Variants in RPRD1A observed in about 807,000 individuals in gnomAD.
RPRD1A encodes the protein regulation of nuclear pre-mRNA domain-containing protein 1A.
A neutral mutation model predicts 37.8 loss-of-function variants in RPRD1A; 9 were observed. That is an observed-to-expected ratio of 0.24 (90% confidence interval 0.14 to 0.42). RPRD1A has a LOEUF of 0.42. Ranked by LOEUF, RPRD1A falls within the 10% of genes least tolerant of loss-of-function variation. RPRD1A has a pLI of 1.00. For missense variants in RPRD1A, 255 were observed against 371.0 expected (o/e 0.69, Z 2.57); for synonymous variants, 138 against 139.7 (o/e 0.99, Z 0.08).
At chr18:36,051,211 C>G (rs1263253848) in intron 1 of RPRD1A, among the ~76,000 whole-genome samples, 1 of 152,090 alleles carries the variant, frequency 6.6e-6, no homozygotes, top group African/African-American at 2.4e-5. Flanking sequence ...TTTATATCAT[C>G]AAGACGTGCG....
chr18:36,016,244 CAG>C (rs920427136), intron 6 of RPRD1A, among the ~76,000 whole-genome samples: 1 of 152,032 alleles, frequency 6.6e-6, no homozygotes, highest in Non-Finnish European at 1.5e-5. Context: ...TTTTTTGAGG[CAG>C]AGTTTCACTC....
chr18:36,017,467 A>T (rs759621740), intron 6 of RPRD1A, among the ~76,000 whole-genome samples: 5 of 151,302 alleles, frequency 3.3e-5, no homozygotes, highest in Non-Finnish European at 7.4e-5. Context: ...CAACACCACC[A>T]CTCCTTTCTT....
chr18:36,027,205 A>G lies in RPRD1A; in HGVS notation c.592T>C (p.Ser198Pro). 1 of 1,613,856 alleles carries G rather than the reference A, an allele frequency of 6.2e-7. No individual in the cohort carries two copies. Among genetic ancestry groups the G allele is most frequent in the South Asian group, 1.1e-5 (1 of 91,070 alleles). Residue 198 changes from serine to proline, a missense_variant, in exon 5 of 7, where the codon TCT becomes CCT. Ser to Pro is a moderately conservative substitution (Grantham distance 74). Transcript: ENST00000399022. ...ASLPVEVQEVSLLDKITDKES... is the reference protein window; with the variant it reads ...ASLPVEVQEVPLLDKITDKES... ...TTACCTGTTATTTTATCTAATAGAG[A>G]TACTTCTTGGACTTCAACAGGTAAA...
At chr18:36,050,954 G>A (rs1242690570) in intron 1 of RPRD1A, among the ~76,000 whole-genome samples, 1 of 149,924 alleles carries the variant, frequency 6.7e-6, no homozygotes, top group Middle Eastern at 3.2e-3. Flanking sequence ...TAAAAATACA[G>A]TTGACTTTTG....
chr18:36,054,917 T>C (rs953066239), intron 1 of RPRD1A, among the ~76,000 whole-genome samples: 2 of 152,206 alleles, frequency 1.3e-5, no homozygotes, highest in Non-Finnish European at 2.9e-5. Flanking sequence ...TCTTATTCAC[T>C]GAAGAATCAA....
At chr18:36,040,598 A>C (rs1354806072) in intron 1 of RPRD1A, among the ~76,000 whole-genome samples, 5 of 152,298 alleles carry the variant, frequency 3.3e-5, no homozygotes, top group African/African-American at 1.2e-4. Context: ...ACGTCATGAA[A>C]TCTAGAAGTA....
chr18:36,049,675 G>A (rs72884933), intron 1 of RPRD1A, among the ~76,000 whole-genome samples: 4,017 of 152,282 alleles, frequency 0.026, 87 homozygotes, highest in East Asian at 0.12. Context: ...TGATTCTGCT[G>A]TATGTATACA....
chr18:35,999,497 G>T (rs761504256), intron 6 of RPRD1A, among the ~76,000 whole-genome samples: 2 of 152,128 alleles, frequency 1.3e-5, no homozygotes, highest in Non-Finnish European at 2.9e-5. Context: ...TGGAATTCTT[G>T]TTCATTTTAG....
intron 6 of RPRD1A, among the ~76,000 whole-genome samples, chr18:35,995,235 G>A (rs1417416280): frequency 6.7e-6 from 1 of 148,468 alleles, no homozygotes; most frequent in Non-Finnish European, 1.5e-5. Flanking sequence ...AAGACTATCT[G>A]CTCTCCAATT....
intron 6 of RPRD1A, among the ~76,000 whole-genome samples, chr18:36,003,820 A>T (rs1263799995): frequency 6.6e-6 from 1 of 151,934 alleles, no homozygotes; most frequent in Non-Finnish European, 1.5e-5. Context: ...TTTTTTTAAG[A>T]AAAAGTCTCA....
chr18:35,995,260 CG>C (rs1323259142), intron 6 of RPRD1A, among the ~76,000 whole-genome samples: 4 of 130,404 alleles, frequency 3.1e-5, no homozygotes, highest in East Asian at 2.2e-4. Context: ...TGCTTTTTTT[CG>C]TTTTTTTTTT....
At chr18:36,048,893 GA>G (rs574003454) in intron 1 of RPRD1A, among the ~76,000 whole-genome samples, 1 of 151,900 alleles carries the variant, frequency 6.6e-6, no homozygotes, top group Non-Finnish European at 1.5e-5. Context: ...AGGAATTTAT[GA>G]AAAAAAACGT....
At chr18:36,046,867 C>T (rs1186891791) in intron 1 of RPRD1A, among the ~76,000 whole-genome samples, 16 of 148,844 alleles carry the variant, frequency 1.1e-4, no homozygotes, top group African/African-American at 3.7e-4. Context: ...AACATAACCT[C>T]CCAAAATCCA....
At chr18:36,010,308 AAAAAATAAAAAAT>A (rs939142633) in intron 6 of RPRD1A, among the ~76,000 whole-genome samples, 1 of 151,776 alleles carries the variant, frequency 6.6e-6, no homozygotes, top group Non-Finnish European at 1.5e-5. Flanking sequence ...GTCTCTATAA[AAAAAATAAAAAAT>A]AAAAATAAAA....
chr18:36,051,375 G>T (rs889147213), intron 1 of RPRD1A, among the ~76,000 whole-genome samples: 22 of 152,156 alleles, frequency 1.4e-4, no homozygotes, highest in Non-Finnish European at 1.5e-4. Flanking sequence ...GGTTAAGTAT[G>T]AAAAGGGTGG....
At chr18:36,028,104 T>C (rs2144278646) in intron 4 of RPRD1A, 1 of 152,224 alleles carries the variant, frequency 6.6e-6, no homozygotes, top group Non-Finnish European at 1.5e-5. Context: ...CTAGTTTCCA[T>C]TCTCCAGCCC....
chr18:36,016,309 A>G (rs763294858), intron 6 of RPRD1A, among the ~76,000 whole-genome samples: 34 of 152,038 alleles, frequency 2.2e-4, no homozygotes, highest in Non-Finnish European at 3.2e-4. Context: ...CGCAACCTCC[A>G]CCTACTGGGT....
At chr18:36,002,426 T>C (rs1435313997) in intron 6 of RPRD1A, among the ~76,000 whole-genome samples, 1 of 152,084 alleles carries the variant, frequency 6.6e-6, no homozygotes, top group Non-Finnish European at 1.5e-5. Flanking sequence ...TTCTTATTAT[T>C]TTTTTTACAG....
At position 36,027,608 on chromosome 18, in the gene RPRD1A, T is replaced by C. The variant is rs202228584; in HGVS notation, c.487-298A>G. 1.7e-5 allele frequency: 4 copies of C among 240,562 alleles called. No individual in the cohort carries two copies. The East Asian group carries it at 2.4e-4, about 15-fold the overall frequency. The allele number at this position is 240,562 out of a possible 1,614,324, so 14.9% of individuals were successfully genotyped here. On this transcript the variant is annotated intron_variant, in intron 4 of 6. Transcript: ENST00000399022. ...TAAAATGAGGTAATGAGGATTTATA[T>C]GGCAAATACATCAGTGGTGAAAGAG...
Sources: allele counts gnomAD v4.1 joint callset (sites outside exome capture counted in the v4.1 genomes callset), GRCh38; gene constraint gnomAD v4.1.1; transcripts MANE v1.5; gene names NCBI Gene and HGNC (gene_info 2026-07-23, HGNC 2026-07-21).